The following PANK3 variants were observed in gnomAD, a reference collection of about 807,000 sequenced individuals.
PANK3 encodes hPanK3.
Under a neutral mutation model 39.4 loss-of-function variants are expected in PANK3, and 20 were observed. That is an observed-to-expected ratio of 0.51 (90% CI 0.36 to 0.74). PANK3 has a LOEUF of 0.74. Among genes scored for constraint, PANK3 ranks in the 30% least tolerant of loss-of-function variants. The pLI is 0.00. For synonymous variants in PANK3, 140 were observed against 157.3 expected, an observed-to-expected ratio of 0.89 and a Z score of 0.82; for missense variants, 265 against 437.0, an observed-to-expected ratio of 0.61 and a Z score of 3.51.
At chr5:168,570,414 A>G (rs1759609907) in intron 1 of PANK3, among the ~76,000 whole-genome samples, 1 of 151,738 alleles carries the variant, frequency 6.6e-6, no homozygotes, top group Non-Finnish European at 1.5e-5. Flanking sequence ...GAAAGAAAGA[A>G]AGAAAGAAAA....
At chr5:168,559,700 A>C (rs1411222829) in intron 5 of PANK3, among the ~76,000 whole-genome samples, 9 of 152,182 alleles carry the variant, frequency 5.9e-5, no homozygotes, top group East Asian at 5.8e-4. Context: ...ATGTGATTAA[A>C]AAAAAAAATC....
rs914050083 is a variant in PANK3 at position 168,549,101 on chromosome 5, T to C, written c.*8470A>G. Reference sequence around the variant, plus strand: ...TAGTTAAAAAATCAGTTTTTTGCTGTAGTTTAAATAAAAAGTAAAAGCACA... The same window carrying C: ...TAGTTAAAAAATCAGTTTTTTGCTGCAGTTTAAATAAAAAGTAAAAGCACA... On this transcript the variant is annotated 3_prime_UTR_variant, in exon 7 of 7. Transcript: ENST00000239231. 2 of 152,222 alleles carry C rather than the reference T, an allele frequency of 1.3e-5. No homozygotes were observed. Among genetic ancestry groups the C allele is most frequent in the Admixed American group, 1.3e-4 (2 of 15,276 alleles). The allele number at this position is 152,222 out of a possible 1,614,324, so 9.4% of individuals were successfully genotyped here.
At chr5:168,569,246 G>A (rs1342782944) in intron 1 of PANK3, among the ~76,000 whole-genome samples, 22 of 142,362 alleles carry the variant, frequency 1.5e-4, no homozygotes, top group East Asian at 2.0e-4. Context: ...GTGCAGTGGC[G>A]CGATCTTGGC....
chr5:168,549,290 T>C lies in PANK3; in HGVS notation c.*8281A>G, dbSNP rs192105997. On this transcript the variant is annotated 3_prime_UTR_variant, in exon 7 of 7. Transcript: ENST00000239231. ...CTAAAACAGGTTACCCAGAAAAAAG[T>C]GGCAAATTCCAAAATGGCTTAATAC... 1 of 152,272 alleles carries C rather than the reference T, an allele frequency of 6.6e-6. No individual in the cohort carries two copies. Among genetic ancestry groups the C allele is most frequent in the Admixed American group, 6.5e-5 (1 of 15,288 alleles). The allele number at this position is 152,272 out of a possible 1,614,324, so 9.4% of individuals were successfully genotyped here. A position where few individuals can be genotyped will look rare whatever the true frequency, so the allele number is the denominator to read the frequency against.
At chr5:168,572,108 G>T (rs1370179823) in intron 1 of PANK3, among the ~76,000 whole-genome samples, 1 of 139,612 alleles carries the variant, frequency 7.2e-6, no homozygotes, top group Non-Finnish European at 1.5e-5. Flanking sequence ...AGCAACATAG[G>T]CCTTTTTTTT....
chr5:168,578,495 G>A (rs992161627), intron 1 of PANK3: 2 of 152,154 alleles, frequency 1.3e-5, no homozygotes, highest in African/African-American at 2.4e-5. Context: ...CACAATGGCT[G>A]GGTGATTAAA....
chr5:168,573,247 G>A (rs1436989599), intron 1 of PANK3, among the ~76,000 whole-genome samples: 2 of 151,648 alleles, frequency 1.3e-5, no homozygotes, highest in African/African-American at 4.8e-5. Flanking sequence ...GACTGAAAGA[G>A]AACTCAGCCC....
intron 4 of PANK3, 42 bp from the exon 5 acceptor site, chr5:168,561,558 A>G (rs1456203439): frequency 1.3e-6 from 2 of 1,511,180 alleles, no homozygotes; most frequent in African/African-American, 1.4e-5. Flanking sequence ...GCTGATAAAA[A>G]GCAACATTTT....
intron 1 of PANK3, among the ~76,000 whole-genome samples, chr5:168,575,053 C>G (rs983061720): frequency 6.6e-6 from 1 of 151,388 alleles, no homozygotes; most frequent in Non-Finnish European, 1.5e-5. Flanking sequence ...AAAAAAAGAA[C>G]CAAAATACAC....
intron 6 of PANK3, among the ~76,000 whole-genome samples, chr5:168,558,252 TG>T (rs1759384784): frequency 6.8e-6 from 1 of 147,546 alleles, no homozygotes; most frequent in Non-Finnish European, 1.5e-5. Flanking sequence ...CTCCGCCCCC[TG>T]GGGTTCACAC....
Position 168,553,332 on chromosome 5 carries a change from C to T in PANK3, c.*4239G>A. On this transcript the variant is annotated 3_prime_UTR_variant, in exon 7 of 7. Coordinates refer to ENST00000239231, the MANE Select transcript of PANK3 (RefSeq NM_024594.4). The stretch of plus-strand genomic sequence containing the variant: ...CAAAACTTGTGCAGAGTCCGCATTA[C>T]AAGCCAGTAATCTAGTGGCCCAGGA... 1 of 520,078 alleles carries T rather than the reference C, an allele frequency of 1.9e-6. No homozygotes were observed. Among genetic ancestry groups the T allele is most frequent in the Non-Finnish European group, 3.8e-6 (1 of 260,584 alleles). 32.2% of individuals were successfully genotyped at this position (520,078 alleles called of 1,614,324 possible). A position where few individuals can be genotyped will look rare whatever the true frequency, so the allele number is the denominator to read the frequency against.
rs1375058007 is a variant in PANK3, at chr5:168,550,221, T to C, written c.*7350A>G. 1 of 152,220 alleles carries C rather than the reference T, an allele frequency of 6.6e-6. No individual in the cohort carries two copies. The highest frequency in any genetic ancestry group is 2.4e-5 in the African/African-American group (1 of 41,466). The allele number at this position is 152,220 out of a possible 1,614,324, so 9.4% of individuals were successfully genotyped here. On this transcript the variant is annotated 3_prime_UTR_variant, in exon 7 of 7. Transcript: ENST00000239231. ...ACTTCATTATAAAATAGGTTTTGTA[T>C]TAGATGATTTTGCCCAGCTAAAGGC...
At chr5:168,569,048 T>C (rs1759584665) in intron 1 of PANK3, 50 bp from the exon 2 acceptor site, 1 of 404,662 alleles carries the variant, frequency 2.5e-6, no homozygotes, top group Non-Finnish European at 3.7e-6. Flanking sequence ...TATATATATA[T>C]ATCCATTTTA....
intron 1 of PANK3, among the ~76,000 whole-genome samples, chr5:168,574,182 G>C (rs1364248561): frequency 3.3e-5 from 5 of 150,316 alleles, no homozygotes; most frequent in African/African-American, 1.2e-4. Context: ...AGCACCTGTT[G>C]TTTCCTGACT....
At chr5:168,560,898 A>G (rs768791150) in intron 5 of PANK3, 2 of 493,978 alleles carry the variant, frequency 4.0e-6, no homozygotes, top group Admixed American at 2.1e-5. Context: ...ACAGGTCTCA[A>G]TGCCTTCATA....
At chr5:168,560,607 G>A (rs1320810831) in intron 5 of PANK3, among the ~76,000 whole-genome samples, 3 of 152,136 alleles carry the variant, frequency 2.0e-5, no homozygotes, top group Admixed American at 6.5e-5. Flanking sequence ...TACCCAGAAC[G>A]ATGTCTGGCA....
chr5:168,569,822 A>G (rs908241543), intron 1 of PANK3, among the ~76,000 whole-genome samples: 3 of 152,028 alleles, frequency 2.0e-5, no homozygotes, highest in African/African-American at 7.2e-5. Context: ...AGGCTGAGGT[A>G]GGGGGGATCG....
At chr5:168,569,151 C>G (rs1194065195) in intron 1 of PANK3, among the ~76,000 whole-genome samples, 153 bp from the exon 2 acceptor site, 1 of 147,124 alleles carries the variant, frequency 6.8e-6, no homozygotes, top group East Asian at 2.0e-4. Flanking sequence ...ACACATGTTC[C>G]ATGTGGAACT....
chr5:168,579,239 C>A lies in PANK3; in HGVS notation c.28+17G>T. ...AGGGTGCCCTCCCAACCTGGCGGGC[C>A]CCAGCCCCCGTCTTACAGGGTTTCT... is the stretch of plus-strand genomic sequence containing the variant. On this transcript the variant is annotated intron_variant, in intron 1 of 6. Transcript: ENST00000239231. The A allele has an allele frequency of 6.7e-7, 1 of 1,488,622 alleles. No individual in the cohort carries two copies. The highest frequency in any genetic ancestry group is 2.4e-5 in the Admixed American group (1 of 40,868). 92.2% of individuals were successfully genotyped at this position (1,488,622 alleles called of 1,614,324 possible).
Sources: gnomAD v4.1 joint callset for allele counts (sites outside exome capture counted in the v4.1 genomes callset) on GRCh38, gnomAD v4.1.1 for gene constraint, MANE v1.5 for transcripts, NCBI Gene and HGNC (gene_info 2026-07-23, HGNC 2026-07-21) for gene names.